Variants in RGS8 observed in about 807,000 individuals in gnomAD.
RGS8 encodes the protein regulator of G protein signaling 8, also known as regulator of G-protein signaling 8.
In RGS8, 8 loss-of-function variants were observed where a neutral mutation model predicts 21.7. The ratio of observed to expected loss-of-function variants is 0.37; its 90% confidence interval spans 0.22 to 0.66. The LOEUF is 0.66. RGS8 is among the 30% of genes least tolerant of loss of function. RGS8 has a pLI of 0.59. For synonymous variants in RGS8, 80 were observed against 83.6 expected (o/e 0.96, Z 0.24); for missense variants, 157 against 217.9 (o/e 0.72, Z 1.76).
chr1:182,745,843 C>T, the RGS8 span, among the ~76,000 whole-genome samples: 1 of 152,190 alleles, frequency 6.6e-6, no homozygotes, highest in Admixed American at 6.5e-5. Context: ...ATGTACATCA[C>T]TTTCTCCCTA....
At chr1:182,664,040 C>A (rs1172504424) in intron 5 of RGS8, among the ~76,000 whole-genome samples, 1 of 152,100 alleles carries the variant, frequency 6.6e-6, no homozygotes, top group Admixed American at 6.6e-5. Context: ...AAAAGCATCC[C>A]TGACAGAAGT....
chr1:182,648,386 GT>G lies in RGS8; in HGVS notation c.194-84del, dbSNP rs111426469. ...TGTAGAAGAAAGAAAGGAAGTAATA[GT>G]GTGAGGGTGCCCCTAATTGTCCAAG... On this transcript the variant is annotated intron_variant, in intron 5 of 6. Transcript: ENST00000483095. The G allele has an allele frequency of 5.1e-3, 7,157 of 1,405,262 alleles. 310 individuals are homozygous for G. The African/African-American group carries it at 0.089, about 18-fold the overall frequency. The allele number at this position is 1,405,262 out of a possible 1,614,324, so 87.0% of individuals were successfully genotyped here.
upstream of RGS8, among the ~76,000 whole-genome samples, chr1:182,689,305 A>ACACACACC (rs1491446835): frequency 7.7e-6 from 1 of 130,572 alleles, no homozygotes; most frequent in African/African-American, 2.8e-5. Flanking sequence ...ACACACACAC[A>ACACACACC]CCCCACAAGT....
At chr1:182,659,045 G>A (rs1300164703) in intron 5 of RGS8, among the ~76,000 whole-genome samples, 1 of 152,188 alleles carries the variant, frequency 6.6e-6, no homozygotes, top group Admixed American at 6.5e-5. Context: ...TATTATAGTT[G>A]TATTAGGACT....
At chr1:182,695,112 C>T in the RGS8 span, among the ~76,000 whole-genome samples, 1 of 152,004 alleles carries the variant, frequency 6.6e-6, no homozygotes, top group South Asian at 2.1e-4. Context: ...TCATTGCATA[C>T]GTGAAACAAT....
At chr1:182,666,876 G>T in exon 4 of RGS8, 1 of 1,613,332 alleles carries the variant, frequency 6.2e-7, no homozygotes, top group Non-Finnish European at 8.5e-7. Flanking sequence ...ACTCACTTGA[G>T]AGCGCGGTTG....
chr1:182,733,525 C>T, the RGS8 span, among the ~76,000 whole-genome samples: 1 of 152,178 alleles, frequency 6.6e-6, no homozygotes, highest in African/African-American at 2.4e-5. Context: ...GGACCAGTCA[C>T]AAGCTTAGGC....
the RGS8 span, among the ~76,000 whole-genome samples, chr1:182,706,151 T>G: frequency 2.6e-5 from 4 of 151,744 alleles, no homozygotes; most frequent in South Asian, 8.3e-4. Flanking sequence ...CCCAGCTCAT[T>G]TTTGTATTTT....
chr1:182,734,463 A>G, the RGS8 span: 2 of 152,258 alleles, frequency 1.3e-5, no homozygotes, highest in Non-Finnish European at 1.5e-5. Flanking sequence ...GAAGATTCTC[A>G]TCAATAAGCT....
At chr1:182,738,863 G>A in the RGS8 span, among the ~76,000 whole-genome samples, 1 of 152,230 alleles carries the variant, frequency 6.6e-6, no homozygotes, top group Non-Finnish European at 1.5e-5. Flanking sequence ...ATCATGTGGA[G>A]AGCTGGGGAG....
chr1:182,673,936 G>A (rs187031703), upstream of RGS8, among the ~76,000 whole-genome samples: 73 of 152,302 alleles, frequency 4.8e-4, no homozygotes, highest in African/African-American at 1.3e-3. Flanking sequence ...GCCAAACATC[G>A]TATTTGAGTT....
the RGS8 span, among the ~76,000 whole-genome samples, chr1:182,723,630 C>A: frequency 6.6e-6 from 1 of 152,168 alleles, no homozygotes; most frequent in Admixed American, 6.5e-5. Context: ...GTCCCACAGA[C>A]CAACTCAAGA....
the RGS8 span, among the ~76,000 whole-genome samples, chr1:182,725,678 TG>T: frequency 6.6e-6 from 1 of 152,210 alleles, no homozygotes; most frequent in Admixed American, 6.5e-5. Context: ...CACCATTTCA[TG>T]TCTTAGTTTG....
chr1:182,681,236 G>C (rs115177016), intron 1 of RGS8, among the ~76,000 whole-genome samples: 2 of 152,100 alleles, frequency 1.3e-5, no homozygotes, highest in Admixed American at 6.5e-5. Flanking sequence ...AAGCCATGGA[G>C]CTGAGAGGCA....
At chr1:182,751,354 A>G in the RGS8 span, among the ~76,000 whole-genome samples, 2 of 152,234 alleles carry the variant, frequency 1.3e-5, no homozygotes, top group African/African-American at 4.8e-5. Context: ...TACTATTTTC[A>G]TTAACTCATT....
chr1:182,725,698 G>C, the RGS8 span, among the ~76,000 whole-genome samples: 1 of 152,202 alleles, frequency 6.6e-6, no homozygotes, highest in Non-Finnish European at 1.5e-5. Context: ...TGTAAGGCTG[G>C]TATTTTTGGT....
chr1:182,751,805 A>T, the RGS8 span, among the ~76,000 whole-genome samples: 2,130 of 152,312 alleles, frequency 0.014, 114 homozygotes, highest in East Asian at 0.18. Flanking sequence ...TAAAGGCTGG[A>T]TCATTAAAAC....
chr1:182,711,057 G>A, the RGS8 span, among the ~76,000 whole-genome samples: 1 of 152,182 alleles, frequency 6.6e-6, no homozygotes, highest in African/African-American at 2.4e-5. Context: ...TGGGATTCCT[G>A]AGTTGGTAGG....
downstream of RGS8, chr1:182,644,070 G>C (rs1408573317): frequency 6.6e-6 from 1 of 152,458 alleles, no homozygotes; most frequent in East Asian, 1.9e-4. Context: ...GCTTGCGGAA[G>C]AGGCAATGGG....
Sources: gnomAD v4.1 joint callset for allele counts (sites outside exome capture counted in the v4.1 genomes callset) on GRCh38, gnomAD v4.1.1 for gene constraint, MANE v1.5 for transcripts, NCBI Gene and HGNC (gene_info 2026-07-23, HGNC 2026-07-21) for gene names.